Variants in ADAMTSL1 observed in about 807,000 individuals in gnomAD.
ADAMTSL1 encodes the protein ADAMTS-like protein 1.
Under a neutral mutation model 201.8 loss-of-function variants are expected in ADAMTSL1, and 126 were observed. That is an observed-to-expected ratio of 0.62 (90% confidence interval 0.54 to 0.72). ADAMTSL1 has a LOEUF of 0.72. ADAMTSL1 is among the 30% of genes least tolerant of loss of function. ADAMTSL1 has a pLI of 0.00. For synonymous variants in ADAMTSL1, 1,121 were observed against 903.4 expected, an observed-to-expected ratio of 1.24 and a Z score of -4.32; for missense variants, 2,679 against 2,277.8, an observed-to-expected ratio of 1.18 and a Z score of -3.59.
intron 1 of ADAMTSL1, among the ~76,000 whole-genome samples, chr9:17,962,016 G>C (rs1483922186): frequency 6.6e-6 from 1 of 152,174 alleles, no homozygotes; most frequent in Non-Finnish European, 1.5e-5. Flanking sequence ...AGGAAGATTT[G>C]ATTATCTTTA....
intron 2 of ADAMTSL1, among the ~76,000 whole-genome samples, chr9:18,283,862 A>C (rs2132642003): frequency 7.1e-6 from 1 of 140,754 alleles, no homozygotes; most frequent in African/African-American, 2.7e-5. Flanking sequence ...CAGTGAGCTG[A>C]GATTGAGATT....
At chr9:18,683,229 T>G (rs112809463) in intron 12 of ADAMTSL1, among the ~76,000 whole-genome samples, 649 of 58,568 alleles carry the variant, frequency 0.011, 2 homozygotes, top group Non-Finnish European at 0.021. Flanking sequence ...AGGTTTTTTT[T>G]GTTTTTTTTT....
intron 5 of ADAMTSL1, among the ~76,000 whole-genome samples, chr9:18,634,961 G>A (rs984692349): frequency 1.7e-4 from 20 of 117,526 alleles, no homozygotes; most frequent in African/African-American, 5.3e-4. Context: ...ATCACACAGG[G>A]CTTCTGAATA....
rs1381169973 is a variant in ADAMTSL1 at position 18,501,377 on chromosome 9, G to C, written c.64-3452G>C. 5.9e-5 allele frequency among the ~76,000 whole-genome samples: 9 copies of C among 151,858 alleles called. No homozygotes were observed. In the East Asian group the frequency reaches 1.8e-3, roughly 30 times the overall value. On this transcript the variant is annotated intron_variant, in intron 1 of 28. Transcript: ENST00000380548. The stretch of plus-strand genomic sequence containing the variant: ...AATACAAAAATTAGCCGGGCGTGCC[G>C]ACAAGCACCTGTAGTCCCAGCTACT...
chr9:17,975,672 C>G (rs1331519968), intron 1 of ADAMTSL1, among the ~76,000 whole-genome samples: 1 of 152,030 alleles, frequency 6.6e-6, no homozygotes, highest in Non-Finnish European at 1.5e-5. Flanking sequence ...GTCTTCCACT[C>G]TGTAGGCCAT....
At position 18,027,073 on chromosome 9, in the gene ADAMTSL1, A is replaced by G. The variant is rs138006018; in HGVS notation, c.87+120151A>G. On this transcript the variant is annotated intron_variant, in intron 1 of 29. Coordinates refer to the ADAMTSL1 transcript ENST00000680146. ...TGTGATATCACCTTTGCCATTTCTG[A>G]TTGTGCTATTTAGGTCTTCTCTTTT... 6.7e-3 allele frequency among the ~76,000 whole-genome samples: 1,001 copies of G among 148,470 alleles called. 17 individuals carry two copies. Among genetic ancestry groups the G allele is most frequent in the African/African-American group, 0.024 (956 of 40,450 alleles).
intron 1 of ADAMTSL1, among the ~76,000 whole-genome samples, chr9:18,503,630 T>G (rs1822963490): frequency 6.6e-6 from 1 of 152,072 alleles, no homozygotes; most frequent in South Asian, 2.1e-4. Context: ...TGCCCAAGTT[T>G]ATAGAGCTAG....
At chr9:18,533,168 G>A (rs1411272755) in intron 2 of ADAMTSL1, 79 bp from the exon 3 acceptor site, 4 of 1,302,106 alleles carry the variant, frequency 3.1e-6, no homozygotes, top group Non-Finnish European at 3.2e-6. Flanking sequence ...AGTATTTAGA[G>A]CAAATTTTTA....
chr9:18,388,000 A>G (rs896427850), intron 2 of ADAMTSL1, among the ~76,000 whole-genome samples: 5 of 145,096 alleles, frequency 3.4e-5, no homozygotes, highest in African/African-American at 4.9e-5. Context: ...TGAGGAATTT[A>G]TATCTTTTTT....
intron 2 of ADAMTSL1, among the ~76,000 whole-genome samples, chr9:18,275,035 T>G (rs773500375): frequency 1.3e-5 from 2 of 152,194 alleles, no homozygotes; most frequent in Non-Finnish European, 2.9e-5. Flanking sequence ...CTTGGATATC[T>G]AAAGTAAGAG....
Position 18,068,846 on chromosome 9 carries a change from A to G in ADAMTSL1, c.88-95016A>G, listed in dbSNP as rs187594131. 7.0e-4 allele frequency among the ~76,000 whole-genome samples: 107 copies of G among 152,328 alleles called. No homozygotes were observed. In the Middle Eastern group the frequency reaches 0.014, roughly 19 times the overall value. On this transcript the variant is annotated intron_variant, in intron 1 of 29. Transcript: ENST00000680146. ...GACAGCCTAAGGCAGCATGTGAAAG[A>G]TCAATTACAGAGTGGTATAGTGCTA...
intron 1 of ADAMTSL1, among the ~76,000 whole-genome samples, chr9:17,943,380 G>A (rs1401942680): frequency 1.3e-5 from 2 of 152,132 alleles, no homozygotes; most frequent in Non-Finnish European, 2.9e-5. Flanking sequence ...GAGTTTAGAA[G>A]TATTGCTATT....
intron 4 of ADAMTSL1, among the ~76,000 whole-genome samples, chr9:18,575,235 A>C (rs1208545059): frequency 6.6e-6 from 1 of 152,204 alleles, no homozygotes; most frequent in African/African-American, 2.4e-5. Flanking sequence ...GTAAATGACT[A>C]TAAGAGATGT....
At chr9:18,521,265 AG>A (rs1227122717) in intron 2 of ADAMTSL1, among the ~76,000 whole-genome samples, 1 of 152,112 alleles carries the variant, frequency 6.6e-6, no homozygotes, top group African/African-American at 2.4e-5. Context: ...TGTGGCAGAG[AG>A]GAGGGGCCTC....
intron 1 of ADAMTSL1, among the ~76,000 whole-genome samples, chr9:18,030,674 A>G (rs1019109561): frequency 6.6e-6 from 1 of 152,062 alleles, no homozygotes; most frequent in Non-Finnish European, 1.5e-5. Context: ...AATTTCTTGA[A>G]TTTGCATGAA....
chr9:18,622,735 G>T, intron 5 of ADAMTSL1: 1 of 382,556 alleles, frequency 2.6e-6, no homozygotes, highest in Non-Finnish European at 4.6e-6. Flanking sequence ...AAAGTGGGAA[G>T]ATAGCACAAA....
chr9:18,797,733 T>A lies in ADAMTSL1; in HGVS notation c.3805+2209T>A, dbSNP rs1588127680. 2.0e-5 allele frequency among the ~76,000 whole-genome samples: 3 copies of A among 152,316 alleles called. No homozygotes were observed. In the East Asian group the frequency reaches 5.8e-4, roughly 29 times the overall value. On this transcript the variant is annotated intron_variant, in intron 20 of 28. Transcript: ENST00000380548. ...GTCTCTGTTCTCATCTGTAAAAATTTAACTAACATTATTTTACAGGGTTGT... is the reference window on the plus strand; with the variant it reads ...GTCTCTGTTCTCATCTGTAAAAATTAAACTAACATTATTTTACAGGGTTGT...
intron 23 of ADAMTSL1, among the ~76,000 whole-genome samples, chr9:18,880,277 A>G (rs1828446538): frequency 1.3e-5 from 2 of 152,192 alleles, no homozygotes; most frequent in African/African-American, 4.8e-5. Flanking sequence ...TGGCATCTAG[A>G]ATGATGAATC....
chr9:17,983,026 T>TCAA (rs1818775079), intron 1 of ADAMTSL1, among the ~76,000 whole-genome samples: 1 of 146,166 alleles, frequency 6.8e-6, no homozygotes, highest in Admixed American at 6.9e-5. Context: ...CCTCCCCTTT[T>TCAA]CAACTATTTT....
Sources: allele counts gnomAD v4.1 joint callset (sites outside exome capture counted in the v4.1 genomes callset), GRCh38; gene constraint gnomAD v4.1.1; transcripts MANE v1.5; gene names NCBI Gene and HGNC (gene_info 2026-07-23, HGNC 2026-07-21).